The following TMCC1 variants were observed in gnomAD, a reference collection of about 807,000 sequenced individuals.
TMCC1 encodes transmembrane and coiled-coil domain family 1, also known as transmembrane and coiled-coil domains protein 1.
Under a neutral mutation model 52.4 loss-of-function variants are expected in TMCC1, and 15 were observed. That is an observed-to-expected ratio of 0.29 (90% CI 0.19 to 0.44). The LOEUF (loss-of-function observed/expected upper bound fraction) is 0.44, where lower values mean the gene tolerates loss of function less well. Among genes scored for constraint, TMCC1 ranks in the 20% least tolerant of loss-of-function variants. The pLI, the probability that TMCC1 is intolerant of heterozygous loss-of-function variation, is 1.00. For missense variants in TMCC1, 503 were observed against 806.0 expected, an observed-to-expected ratio of 0.62 and a Z score of 4.55; for synonymous variants, 279 against 301.9, an observed-to-expected ratio of 0.92 and a Z score of 0.79.
chr3:129,738,558 A>C (rs574541271), intron 4 of TMCC1, among the ~76,000 whole-genome samples: 32 of 152,330 alleles, frequency 2.1e-4, no homozygotes, highest in Middle Eastern at 6.8e-3. Flanking sequence ...TTCAATAAAA[A>C]CTACAATTAA....
chr3:129,801,944 A>G lies in TMCC1; in HGVS notation c.576+25859T>C, dbSNP rs368994411. 4.6e-5 allele frequency among the ~76,000 whole-genome samples: 7 copies of G among 152,316 alleles called. No individual in the cohort carries two copies. In the East Asian group the frequency reaches 1.4e-3, roughly 29 times the overall value. On this transcript the variant is annotated intron_variant, in intron 4 of 6. Coordinates refer to ENST00000393238, the MANE Select transcript of TMCC1 (RefSeq NM_001017395.5). ...TTTATATGTTCTATATGGCTCCTGT[A>G]CCAAATAGTGTTATTTAGTGTTTCC...
chr3:129,784,895 C>G (rs1302654780), intron 4 of TMCC1, among the ~76,000 whole-genome samples: 1 of 150,764 alleles, frequency 6.6e-6, no homozygotes, highest in East Asian at 2.0e-4. Flanking sequence ...TTAGTAATCC[C>G]CTTCAGCCCA....
intron 4 of TMCC1, among the ~76,000 whole-genome samples, chr3:129,771,230 T>C (rs1484124374): frequency 1.3e-5 from 2 of 152,076 alleles, no homozygotes; most frequent in African/African-American, 2.4e-5. Flanking sequence ...AAGAATAAAA[T>C]GATCCTGGCT....
intron 2 of TMCC1, among the ~76,000 whole-genome samples, chr3:129,873,104 T>C (rs945797287): frequency 5.3e-5 from 8 of 152,080 alleles, no homozygotes; most frequent in African/African-American, 1.7e-4. Context: ...TTTTGCCATG[T>C]TGGCCAGGCT....
chr3:129,759,267 AC>A (rs1184577282), intron 4 of TMCC1, among the ~76,000 whole-genome samples: 6 of 146,228 alleles, frequency 4.1e-5, no homozygotes, highest in Admixed American at 6.8e-5. Flanking sequence ...GTAATTCATG[AC>A]TTTTTTTTTT....
chr3:129,805,934 C>A (rs73206259), intron 4 of TMCC1, among the ~76,000 whole-genome samples: 7,480 of 149,046 alleles, frequency 0.05, 278 homozygotes, highest in Non-Finnish European at 0.074. Flanking sequence ...CCTGTCTCTT[C>A]AAAAAAAAAC....
In TMCC1 at chr3:129,703,632, G is replaced by A. The variant is rs148140711; in HGVS notation, c.577-32368C>T. ...GGCTGGAGATGAAAAACTAGAGAAAGCGTAACTACGATAGCTGAAGAGACA... is the reference window on the plus strand; with the variant it reads ...GGCTGGAGATGAAAAACTAGAGAAAACGTAACTACGATAGCTGAAGAGACA... On this transcript the variant is annotated intron_variant, in intron 4 of 6. Transcript: ENST00000393238. 7.5e-3 allele frequency among the ~76,000 whole-genome samples: 1,144 copies of A among 152,284 alleles called. 6 individuals are homozygous for A. Among genetic ancestry groups the A allele is most frequent in the Non-Finnish European group, 0.011 (748 of 68,028 alleles).
At chr3:129,735,839 A>G (rs1042987371) in intron 4 of TMCC1, among the ~76,000 whole-genome samples, 3 of 152,152 alleles carry the variant, frequency 2.0e-5, no homozygotes, top group Non-Finnish European at 4.4e-5. Flanking sequence ...CATCTGCTAC[A>G]ATACAGTACA....
chr3:129,886,350 T>A (rs939424105), intron 1 of TMCC1, among the ~76,000 whole-genome samples: 1 of 152,152 alleles, frequency 6.6e-6, no homozygotes. Flanking sequence ...AGTCAAGCCA[T>A]TGGAAAACTT....
At chr3:129,726,861 T>C (rs1178912477) in intron 4 of TMCC1, among the ~76,000 whole-genome samples, 15 of 5,256 alleles carry the variant, frequency 2.9e-3, no homozygotes, top group African/African-American at 5.4e-3. Context: ...AGAGCAAGAC[T>C]CTGTCTCAAA....
intron 4 of TMCC1, among the ~76,000 whole-genome samples, chr3:129,697,062 G>A (rs111716327): frequency 8.5e-5 from 13 of 152,302 alleles, no homozygotes; most frequent in African/African-American, 3.1e-4. Flanking sequence ...CCCTCTTCTA[G>A]CAGCTCCACT....
intron 4 of TMCC1, among the ~76,000 whole-genome samples, chr3:129,803,296 A>G (rs1010184437): frequency 6.6e-6 from 1 of 152,232 alleles, no homozygotes; most frequent in African/African-American, 2.4e-5. Context: ...TTCCACTTAT[A>G]TGAGATATCT....
intron 4 of TMCC1, among the ~76,000 whole-genome samples, chr3:129,746,146 T>C (rs929799838): frequency 2.6e-5 from 4 of 151,798 alleles, no homozygotes; most frequent in Non-Finnish European, 4.4e-5. Context: ...AATTAATAAA[T>C]ATGCATATAG....
At chr3:129,861,502 C>T (rs533304435) in intron 2 of TMCC1, among the ~76,000 whole-genome samples, 1 of 152,122 alleles carries the variant, frequency 6.6e-6, no homozygotes, top group East Asian at 1.9e-4. Flanking sequence ...GATTTATAAT[C>T]TCATTGTTAA....
chr3:129,756,100 G>GAAAAAAAAAA (rs764626470), intron 4 of TMCC1, among the ~76,000 whole-genome samples: 6 of 49,778 alleles, frequency 1.2e-4, no homozygotes, highest in Admixed American at 2.0e-4. Context: ...TCCATCTCAA[G>GAAAAAAAAAA]AAAAAAAAAA....
chr3:129,694,969 G>A (rs1419037391), intron 4 of TMCC1, among the ~76,000 whole-genome samples: 3 of 151,630 alleles, frequency 2.0e-5, no homozygotes, highest in Non-Finnish European at 4.4e-5. Flanking sequence ...TTGTGATCAA[G>A]AATAACATTT....
At chr3:129,703,508 C>T (rs962144297) in intron 4 of TMCC1, among the ~76,000 whole-genome samples, 1 of 152,174 alleles carries the variant, frequency 6.6e-6, no homozygotes, top group Admixed American at 6.5e-5. Flanking sequence ...TGAGTCATTG[C>T]TCTGCCAGTC....
intron 2 of TMCC1, among the ~76,000 whole-genome samples, chr3:129,862,067 T>G (rs368711818): frequency 1.0e-3 from 159 of 152,326 alleles, no homozygotes; most frequent in African/African-American, 3.4e-3. Context: ...CAACAAAATG[T>G]ATAAATGTTG....
chr3:129,864,041 C>G (rs2811337), intron 2 of TMCC1, among the ~76,000 whole-genome samples: 95,104 of 152,066 alleles, frequency 0.63, 35,167 homozygotes, highest in Non-Finnish European at 0.83. Context: ...GGTTCATGCT[C>G]TCTCTAAAAA....
Sources: allele counts gnomAD v4.1 joint callset (sites outside exome capture counted in the v4.1 genomes callset), GRCh38; gene constraint gnomAD v4.1.1; transcripts MANE v1.5; gene names NCBI Gene and HGNC (gene_info 2026-07-23, HGNC 2026-07-21).